The following FAM216A variants were observed in gnomAD, a reference collection of about 807,000 sequenced individuals.
The protein encoded by FAM216A is protein FAM216A.
In FAM216A, 26 loss-of-function variants were observed where a neutral mutation model predicts 37.6. The ratio of observed to expected loss-of-function variants is 0.69; its 90% confidence interval spans 0.51 to 0.96. The LOEUF (loss-of-function observed/expected upper bound fraction) is 0.96. FAM216A is among the 40% of genes least tolerant of loss of function. FAM216A has a pLI of 0.00. For missense variants in FAM216A, 326 were observed against 339.3 expected, an observed-to-expected ratio of 0.96 and a Z score of 0.31; for synonymous variants, 110 against 121.7, an observed-to-expected ratio of 0.90 and a Z score of 0.64.
At chr12:110,486,761 ATT>A in intron 5 of FAM216A, 44 bp downstream of exon 5, 4 of 1,291,856 alleles carry the variant, frequency 3.1e-6, no homozygotes, top group Admixed American at 2.3e-5. Flanking sequence ...TCTCAGTTTA[ATT>A]TTTTTTTTTC....
At chr12:110,489,918 G>T in intron 6 of FAM216A, 101 bp from the exon 7 acceptor site, 1 of 625,084 alleles carries the variant, frequency 1.6e-6, no homozygotes, top group Admixed American at 2.8e-5. Context: ...CAGGCAATTT[G>T]TCTTTACTAC....
chr12:110,471,311 G>C (rs1407414657), intron 1 of FAM216A, among the ~76,000 whole-genome samples: 1 of 152,066 alleles, frequency 6.6e-6, no homozygotes, highest in African/African-American at 2.4e-5. Context: ...GGATGGTCTC[G>C]ATTTCCTGAC....
At chr12:110,489,600 G>A (rs955673042) in intron 6 of FAM216A, among the ~76,000 whole-genome samples, 3 of 152,130 alleles carry the variant, frequency 2.0e-5, no homozygotes, top group African/African-American at 7.2e-5. Context: ...AGAAATGAGG[G>A]AAAGGGCAGG....
At chr12:110,473,738 C>A (rs1460017627) in intron 2 of FAM216A, among the ~76,000 whole-genome samples, 2 of 152,160 alleles carry the variant, frequency 1.3e-5, no homozygotes, top group Non-Finnish European at 2.9e-5. Flanking sequence ...GAAAAAAATT[C>A]TAAATTGAAT....
In FAM216A at chr12:110,480,088, C is replaced by T. The variant is rs902506538; in HGVS notation, c.185-4990C>T. 2.6e-4 allele frequency among the ~76,000 whole-genome samples: 39 copies of T among 150,382 alleles called. 1 individual carries two copies. The South Asian group carries it at 3.8e-3, about 15-fold the overall frequency. ...TTGCCCAGGCTGGAGTGCAATGGCT[C>T]GATCTCGGCTCACTGCAACCGCTGC... On this transcript the variant is annotated intron_variant, in intron 2 of 6. Transcript: ENST00000377673.
chr12:110,478,554 T>C (rs950965430), intron 2 of FAM216A, among the ~76,000 whole-genome samples: 2 of 152,164 alleles, frequency 1.3e-5, no homozygotes, highest in African/African-American at 4.8e-5. Context: ...GAGAAGCAGT[T>C]AGATGTGAAA....
chr12:110,485,162 A>C lies in FAM216A; in HGVS notation c.269A>C (p.His90Pro). ...AAAACTCCCCAAAATCAAACAATCC[A>C]CCTCTCTAAATCAATGATGGAGGCG... The part of the protein sequence containing the change: ...LWKTPQNQTI[H>P]LSKSMMEASF... The change falls in exon 3 of 7, where the codon CAC (histidine) becomes CCC (proline). Residue 90 changes from histidine (H) to proline (P), a missense_variant. Transcript: ENST00000377673. The C allele has an allele frequency of 6.2e-7, 1 of 1,612,548 alleles. No individual in the cohort carries two copies. The highest frequency in any genetic ancestry group is 8.5e-7 in the Non-Finnish European group (1 of 1,179,652).
intron 2 of FAM216A, among the ~76,000 whole-genome samples, chr12:110,482,103 A>G (rs1168101673): frequency 6.6e-6 from 1 of 150,782 alleles, no homozygotes; most frequent in Non-Finnish European, 1.5e-5. Flanking sequence ...TTTTTTTGAG[A>G]CAGAGTCTCA....
At chr12:110,483,053 C>T (rs1225019649) in intron 2 of FAM216A, among the ~76,000 whole-genome samples, 5 of 152,070 alleles carry the variant, frequency 3.3e-5, no homozygotes, top group South Asian at 4.2e-4. Context: ...GGGCCAGGCG[C>T]GGTGGCTCAT....
chr12:110,477,383 C>A (rs1449687027), intron 2 of FAM216A, among the ~76,000 whole-genome samples: 1 of 152,210 alleles, frequency 6.6e-6, no homozygotes. Flanking sequence ...GACGGAGTCT[C>A]GCACTGTCTC....
At chr12:110,469,166 A>C (rs2062662759) in intron 1 of FAM216A, 148 bp downstream of exon 1, 1 of 967,692 alleles carries the variant, frequency 1.0e-6, no homozygotes, top group Non-Finnish European at 1.4e-6. Context: ...GGCGGGGAGC[A>C]GTTTTGTTGT....
At chr12:110,475,851 C>T (rs1221853865) in intron 2 of FAM216A, among the ~76,000 whole-genome samples, 3 of 152,258 alleles carry the variant, frequency 2.0e-5, no homozygotes, top group Non-Finnish European at 4.4e-5. Flanking sequence ...ATCCTCCCAC[C>T]TTACCCTCCA....
intron 6 of FAM216A, among the ~76,000 whole-genome samples, chr12:110,488,971 A>C (rs1285788105): frequency 6.6e-6 from 1 of 152,208 alleles, no homozygotes; most frequent in Non-Finnish European, 1.5e-5. Flanking sequence ...GATATTCAAC[A>C]AAACAGTGGA....
Position 110,486,664 on chromosome 12 carries a change from A to T in FAM216A, c.567A>T (p.Ala189=). 1 of 1,614,200 alleles carries T rather than the reference A, an allele frequency of 6.2e-7. No individual in the cohort carries two copies. The highest frequency in any genetic ancestry group is 8.5e-7 in the Non-Finnish European group (1 of 1,180,036). ...CTTCTGATATCGCAGCTGCATCTGC[A>T]CCTGAAATGCTCATACAGCATTCCC... ...SGSSDIAAAS[A]PEMLIQHSLW... The change falls in exon 5 of 7, where the codon GCA becomes GCT. Residue 189 remains alanine, a synonymous_variant. Coordinates refer to ENST00000377673, the MANE Select transcript of FAM216A (RefSeq NM_013300.3).
intron 1 of FAM216A, among the ~76,000 whole-genome samples, chr12:110,470,334 G>C (rs1278568840): frequency 6.6e-6 from 1 of 151,788 alleles, no homozygotes; most frequent in East Asian, 1.9e-4. Flanking sequence ...TCCTGACCTC[G>C]TGATCCGCCC....
At chr12:110,484,901 C>T (rs996775249) in intron 2 of FAM216A, among the ~76,000 whole-genome samples, 177 bp from the exon 3 acceptor site, 2 of 152,018 alleles carry the variant, frequency 1.3e-5, no homozygotes, top group African/African-American at 2.4e-5. Flanking sequence ...AGGGTTTCAC[C>T]GTGTTAGCCA....
At chr12:110,489,970 G>A (rs751483520) in intron 6 of FAM216A, 49 bp from the exon 7 acceptor site, 1 of 895,346 alleles carries the variant, frequency 1.1e-6, no homozygotes, top group Non-Finnish European at 1.8e-6. Flanking sequence ...GTTGTACTTA[G>A]AGCTTTATTT....
chr12:110,473,023 T>C (rs2062695318), intron 1 of FAM216A, 55 bp from the exon 2 acceptor site: 1 of 731,156 alleles, frequency 1.4e-6, no homozygotes, highest in East Asian at 3.0e-5. Flanking sequence ...TGTTGTTCAG[T>C]GCTTGTAACA....
chr12:110,470,473 G>T (rs1277536456), intron 1 of FAM216A, among the ~76,000 whole-genome samples: 1 of 141,258 alleles, frequency 7.1e-6, no homozygotes, highest in Non-Finnish European at 1.5e-5. Flanking sequence ...GGAGATACGT[G>T]AATTTTTTTT....
Sources: gnomAD v4.1 joint callset for allele counts (sites outside exome capture counted in the v4.1 genomes callset) on GRCh38, gnomAD v4.1.1 for gene constraint, MANE v1.5 for transcripts, NCBI Gene and HGNC (gene_info 2026-07-23, HGNC 2026-07-21) for gene names.